The following CRYM variants were observed in gnomAD, a reference collection of about 807,000 sequenced individuals.
The protein encoded by CRYM is crystallin mu.
In CRYM, 18 loss-of-function variants were observed where a neutral mutation model predicts 32.9. The observed-to-expected ratio is 0.55, with a 90% CI of 0.38 to 0.81. The LOEUF is 0.81. Among genes scored for constraint, CRYM ranks in the 30% least tolerant of loss-of-function variants. The pLI is 0.00. For missense variants in CRYM, 337 were observed against 393.5 expected, an observed-to-expected ratio of 0.86 and a Z score of 1.21; for synonymous variants, 153 against 152.4, an observed-to-expected ratio of 1.00 and a Z score of -0.03.
At chr16:21,293,496 A>G (rs145196572) in intron 1 of CRYM, among the ~76,000 whole-genome samples, 1 of 152,360 alleles carries the variant, frequency 6.6e-6, no homozygotes, top group East Asian at 1.9e-4. Context: ...GACCTAGTCA[A>G]TCAAAATCCT....
intron 1 of CRYM, among the ~76,000 whole-genome samples, chr16:21,301,647 A>C (rs1340910007): frequency 6.6e-6 from 1 of 152,168 alleles, no homozygotes; most frequent in Non-Finnish European, 1.5e-5. Context: ...GCTCCCCTCG[A>C]GCACCGCCGA....
Position 21,278,223 on chromosome 16 carries a change from G to A in CRYM, c.29C>T (p.Ala10Val), listed in dbSNP as rs760636344. ...GCGGAGGTGTTCCTCCACCTCGGCCGCGCTCAGGAACGCTGGTACCCGGCT... is the reference window on the plus strand; with the variant it reads ...GCGGAGGTGTTCCTCCACCTCGGCCACGCTCAGGAACGCTGGTACCCGGCT... MSRVPAFLS[A>V]AEVEEHLRSS... Residue 10 changes from alanine (A) to valine (V), a missense_variant, in exon 1 of 8, where the codon GCG (alanine) becomes GTG (valine). Physicochemically the swap from Ala to Val is moderately conservative, Grantham distance 64 (BLOSUM62 0). Coordinates refer to ENST00000572914, the MANE Select transcript of CRYM (RefSeq NM_001376256.1). The A allele has an allele frequency of 1.9e-6, 3 of 1,574,916 alleles. No individual in the cohort carries two copies. The highest frequency in any genetic ancestry group is 2.4e-5 in the East Asian group (1 of 42,110).
intron 1 of CRYM, among the ~76,000 whole-genome samples, chr16:21,291,982 A>G (rs774852559): frequency 3.2e-4 from 48 of 152,164 alleles, no homozygotes; most frequent in Non-Finnish European, 2.1e-4. Context: ...AACTTTGCCC[A>G]ATACAGAGTC....
At chr16:21,288,970 G>GT (rs1960543207) in intron 1 of CRYM, among the ~76,000 whole-genome samples, 1 of 151,878 alleles carries the variant, frequency 6.6e-6, no homozygotes, top group Non-Finnish European at 1.5e-5. Context: ...TATTATTTCA[G>GT]TTTTTTATAA....
chr16:21,267,886 A>C, intron 4 of CRYM, 149 bp from the exon 5 acceptor site: 1 of 785,502 alleles, frequency 1.3e-6, no homozygotes, highest in Non-Finnish European at 2.2e-6. Context: ...CCCATGGAGA[A>C]TGGACATTTG....
At chr16:21,286,283 T>TCA (rs2093407077) in intron 1 of CRYM, among the ~76,000 whole-genome samples, 1 of 151,820 alleles carries the variant, frequency 6.6e-6, no homozygotes, top group Non-Finnish European at 1.5e-5. Context: ...AATGGCGTGA[T>TCA]CTCAGCTCAC....
Position 21,267,683 on chromosome 16 carries a change from G to A in CRYM, c.544C>T (p.Gln182Ter). 1 of 1,614,158 alleles carries A rather than the reference G, an allele frequency of 6.2e-7. No homozygotes were observed. The highest frequency in any genetic ancestry group is 1.1e-5 in the South Asian group (1 of 91,084). Reference protein sequence around the residue: ...ENAEKFADTVQGEVRVCSSVQ... With the variant: ...ENAEKFADTV ...GAAGAACAGACCCGTACCTCTCCTTGCACTGTGTCTGCAAACTTCTCTGCA... is the reference window on the plus strand; with the variant it reads ...GAAGAACAGACCCGTACCTCTCCTTACACTGTGTCTGCAAACTTCTCTGCA... Residue 182 changes from glutamine to a stop codon, truncating the protein, a stop_gained, in exon 5 of 8, where the codon CAA (glutamine) becomes TAA (stop). Coordinates refer to ENST00000572914, the MANE Select transcript of CRYM (RefSeq NM_001376256.1). LOFTEE classifies it high-confidence loss of function.
chr16:21,276,906 G>A (rs1393636098), intron 2 of CRYM, among the ~76,000 whole-genome samples: 1 of 151,984 alleles, frequency 6.6e-6, no homozygotes. Context: ...AGTATTAAGA[G>A]GATTAATAAA....
intron 3 of CRYM, among the ~76,000 whole-genome samples, chr16:21,274,304 C>A (rs550056049): frequency 3.3e-5 from 5 of 152,264 alleles, no homozygotes; most frequent in Admixed American, 2.6e-4. Context: ...TGGAGTGCCC[C>A]TCCGTGTTTT....
chr16:21,288,856 C>T (rs1960540904), intron 1 of CRYM, among the ~76,000 whole-genome samples: 1 of 151,932 alleles, frequency 6.6e-6, no homozygotes, highest in South Asian at 2.1e-4. Flanking sequence ...TCATTTGTTG[C>T]TTAAGTTTGT....
chr16:21,261,943 G>C, intron 6 of CRYM, 94 bp downstream of exon 6: 1 of 1,531,808 alleles, frequency 6.5e-7, no homozygotes, highest in East Asian at 2.3e-5. Context: ...CTGAGGTCTG[G>C]AGCAGACCAA....
At chr16:21,299,084 C>T (rs1415654247) in intron 1 of CRYM, among the ~76,000 whole-genome samples, 2 of 152,100 alleles carry the variant, frequency 1.3e-5, no homozygotes, top group South Asian at 2.1e-4. Flanking sequence ...TATGTGATTT[C>T]CTGTTTCACA....
chr16:21,278,173 G>C lies in CRYM; in HGVS notation c.79C>G (p.Leu27Val). 1 of 1,552,514 alleles carries C rather than the reference G, an allele frequency of 6.4e-7. No homozygotes were observed. The highest frequency in any genetic ancestry group is 1.2e-5 in the South Asian group (1 of 84,272). ...LRSSSLLIPP[L>V]ETALANFSSG... is the part of the protein sequence containing the mutation. ...GAGAAGTTGGCCAGGGCCGTCTCTA[G>C]AGGCGGGATGAGGAGGCTGGAGCTG... Residue 27 changes from leucine to valine, a missense_variant, in exon 1 of 8, where the codon CTA (leucine) becomes GTA (valine). Coordinates refer to ENST00000572914, the MANE Select transcript of CRYM (RefSeq NM_001376256.1).
At chr16:21,286,220 A>ATT (rs35658566) in intron 1 of CRYM, among the ~76,000 whole-genome samples, 1,948 of 145,518 alleles carry the variant, frequency 0.013, 24 homozygotes, top group Middle Eastern at 0.021. Flanking sequence ...TAAAGACAGA[A>ATT]TTTTTTTTTT....
chr16:21,290,775 G>A (rs1178220597), intron 1 of CRYM, among the ~76,000 whole-genome samples: 1 of 152,150 alleles, frequency 6.6e-6, no homozygotes. Context: ...TTGTTTCTCT[G>A]AGGATGTATG....
intron 1 of CRYM, among the ~76,000 whole-genome samples, chr16:21,289,048 GA>G (rs1347999954): frequency 6.6e-6 from 1 of 151,952 alleles, no homozygotes; most frequent in African/African-American, 2.4e-5. Context: ...GTACACTTGA[GA>G]AAAAAATGTG....
chr16:21,267,977 G>A (rs1401443908), intron 4 of CRYM, among the ~76,000 whole-genome samples: 2 of 152,198 alleles, frequency 1.3e-5, no homozygotes, highest in Non-Finnish European at 2.9e-5. Flanking sequence ...CTTTTAAAAT[G>A]AGTGGAAGTA....
intron 1 of CRYM, among the ~76,000 whole-genome samples, chr16:21,292,180 A>G (rs534926669): frequency 9.2e-5 from 14 of 152,286 alleles, no homozygotes; most frequent in Non-Finnish European, 1.9e-4. Flanking sequence ...CATACAATGG[A>G]ATACCCTCAG....
At chr16:21,266,792 G>T (rs2093364535) in intron 5 of CRYM, among the ~76,000 whole-genome samples, 1 of 151,984 alleles carries the variant, frequency 6.6e-6, no homozygotes, top group Admixed American at 6.6e-5. Flanking sequence ...AGTGCTTGAG[G>T]CCAGGAGTTC....
Sources: gnomAD v4.1 joint callset for allele counts (sites outside exome capture counted in the v4.1 genomes callset) on GRCh38, gnomAD v4.1.1 for gene constraint, MANE v1.5 for transcripts, NCBI Gene and HGNC (gene_info 2026-07-23, HGNC 2026-07-21) for gene names.